PCDH15: variants seen among roughly 807,000 people sequenced by gnomAD.
PCDH15 encodes the protein protocadherin related 15, also known as protocadherin-15.
Under a neutral mutation model 178.5 loss-of-function variants are expected in PCDH15, and 129 were observed. The ratio of observed to expected loss-of-function variants is 0.72; its 90% CI spans 0.63 to 0.84. PCDH15 has a LOEUF of 0.84. Among genes scored for constraint, PCDH15 ranks in the 40% least tolerant of loss-of-function variants. The probability of loss-of-function intolerance (pLI) is 0.00; values close to 1 mark genes in which losing one functional copy is unlikely to be tolerated. For synonymous variants in PCDH15, 800 were observed against 732.0 expected (o/e 1.09, Z -1.50); for missense variants, 2,230 against 2,099.9 (o/e 1.06, Z -1.21).
intron 3 of PCDH15, 102 bp downstream of exon 3, chr10:54,527,710 T>G: frequency 1.1e-6 from 1 of 910,076 alleles, no homozygotes; most frequent in Non-Finnish European, 1.6e-6. Flanking sequence ...GGATTTGGGT[T>G]GAAACTTTCA....
chr10:55,620,827 T>C (rs1843576849), intron 2 of PCDH15, among the ~76,000 whole-genome samples: 1 of 151,478 alleles, frequency 6.6e-6, no homozygotes, highest in South Asian at 2.1e-4. Context: ...AATTTTTAAA[T>C]AATACTATAT....
intron 29 of PCDH15, among the ~76,000 whole-genome samples, chr10:53,835,341 CA>C (rs775439056): frequency 1.1e-4 from 17 of 151,824 alleles, no homozygotes; most frequent in Non-Finnish European, 2.5e-4. Flanking sequence ...GACAGATAAA[CA>C]AGCTAAAATG....
intron 2 of PCDH15, among the ~76,000 whole-genome samples, chr10:54,587,690 A>G (rs2091591846): frequency 6.6e-6 from 1 of 152,236 alleles, no homozygotes; most frequent in African/African-American, 2.4e-5. Context: ...CCATGTAAGA[A>G]GAAATCAATC....
intron 14 of PCDH15, among the ~76,000 whole-genome samples, chr10:54,146,873 C>CTATAGTGTGTGTATACA (rs1564529853): frequency 3.2e-4 from 38 of 118,852 alleles, no homozygotes; most frequent in South Asian, 2.0e-3. Context: ...AAAAAAATCA[C>CTATAGTGTGTGTATACA]TATATATATA....
chr10:53,842,096 G>C (rs897240017), intron 28 of PCDH15, among the ~76,000 whole-genome samples: 8 of 151,974 alleles, frequency 5.3e-5, no homozygotes, highest in Admixed American at 5.3e-4. Flanking sequence ...GAGAGGCCTC[G>C]GAGTCAAACC....
chr10:54,474,643 C>T (rs942557879), intron 3 of PCDH15, among the ~76,000 whole-genome samples: 12 of 151,950 alleles, frequency 7.9e-5, no homozygotes, highest in Non-Finnish European at 1.6e-4. Flanking sequence ...AGTTAATGGA[C>T]GAAGTATAAT....
At chr10:54,733,474 A>C (rs962474518) in intron 1 of PCDH15, among the ~76,000 whole-genome samples, 46 of 151,646 alleles carry the variant, frequency 3.0e-4, no homozygotes, top group African/African-American at 1.1e-3. Context: ...AGAAGGCCTA[A>C]GTGATGGGTA....
intron 1 of PCDH15, among the ~76,000 whole-genome samples, chr10:55,237,447 CT>C (rs1194707961): frequency 3.3e-5 from 5 of 152,120 alleles, no homozygotes; most frequent in Non-Finnish European, 5.9e-5. Context: ...ATCTTTCAGT[CT>C]TTCCATTTTA....
chr10:53,914,751 C>T (rs1257738799), intron 25 of PCDH15, among the ~76,000 whole-genome samples: 1 of 151,486 alleles, frequency 6.6e-6, no homozygotes, highest in Admixed American at 6.6e-5. Flanking sequence ...TACCCTAGAA[C>T]TTAAAGTATA....
chr10:54,190,485 C>A (rs2048888730), intron 11 of PCDH15, among the ~76,000 whole-genome samples: 1 of 152,182 alleles, frequency 6.6e-6, no homozygotes, highest in East Asian at 1.9e-4. Flanking sequence ...CTCACTGCAG[C>A]CTCGAACCAG....
intron 10 of PCDH15, 61 bp from the exon 11 acceptor site, chr10:54,195,950 T>C (rs1381813258): frequency 6.8e-7 from 1 of 1,478,796 alleles, no homozygotes; most frequent in Non-Finnish European, 9.4e-7. Context: ...TTTTTGGAGT[T>C]TCACTTTTCA....
At chr10:54,887,762 T>TTCTTTTTTAGGTTTCA (rs11270480) in intron 3 of PCDH15, among the ~76,000 whole-genome samples, 1 of 152,022 alleles carries the variant, frequency 6.6e-6, no homozygotes, top group African/African-American at 2.4e-5. Context: ...GGCTGACCTT[T>TTCTTTTTTAGGTTTCA]CAGTCTTAGT....
At chr10:55,138,858 T>C (rs1239056505) in intron 2 of PCDH15, among the ~76,000 whole-genome samples, 1 of 152,148 alleles carries the variant, frequency 6.6e-6, no homozygotes, top group African/African-American at 2.4e-5. Flanking sequence ...TCATGAAAAT[T>C]GAATTACACA....
chr10:54,606,249 A>C (rs553429850), intron 2 of PCDH15: 1 of 152,042 alleles, frequency 6.6e-6, no homozygotes, highest in Non-Finnish European at 1.5e-5. Flanking sequence ...TTGTTTGGGC[A>C]TTTTTTCTCA....
intron 3 of PCDH15, among the ~76,000 whole-genome samples, chr10:54,503,021 T>C (rs1301574959): frequency 2.0e-5 from 3 of 151,864 alleles, no homozygotes; most frequent in East Asian, 1.9e-4. Context: ...AATACATATA[T>C]GTAAAATACA....
rs368435457 is a variant in PCDH15 at position 54,097,112 on chromosome 10, T to A, written c.1918-7049A>T. On this transcript the variant is annotated intron_variant, in intron 15 of 37. Coordinates refer to ENST00000644397, the MANE Select transcript of PCDH15 (RefSeq NM_001384140.1). The stretch of plus-strand genomic sequence containing the variant: ...TGCTGACAGAGCATATCAACAACTC[T>A]CCATAATTTTTCCCAGGCTTCTTCC... Among the ~76,000 whole-genome samples the A allele has an allele frequency of 2.1e-4, 32 of 152,272 alleles. 1 individual carries two copies. The highest frequency in any genetic ancestry group is 7.0e-4 in the African/African-American group (29 of 41,560).
chr10:53,917,260 C>T (rs1285922711), intron 25 of PCDH15, among the ~76,000 whole-genome samples: 2 of 152,008 alleles, frequency 1.3e-5, no homozygotes, highest in Non-Finnish European at 2.9e-5. Context: ...GACTATTCCA[C>T]TGATAATACA....
At chr10:55,480,095 G>A (rs1840146794) in intron 2 of PCDH15, among the ~76,000 whole-genome samples, 1 of 151,558 alleles carries the variant, frequency 6.6e-6, no homozygotes, top group Admixed American at 6.6e-5. Flanking sequence ...TGGGTAGTAT[G>A]TCATTGTAAT....
chr10:54,690,310 C>CTTTTTTT (rs71014404), intron 1 of PCDH15, among the ~76,000 whole-genome samples: 1 of 126,136 alleles, frequency 7.9e-6, no homozygotes, highest in Non-Finnish European at 1.6e-5. Flanking sequence ...ACAAGACTAC[C>CTTTTTTT]TTTTTTTTTT....
Sources: gnomAD v4.1 joint callset for allele counts (sites outside exome capture counted in the v4.1 genomes callset) on GRCh38, gnomAD v4.1.1 for gene constraint, MANE v1.5 for transcripts, NCBI Gene and HGNC (gene_info 2026-07-23, HGNC 2026-07-21) for gene names.